Variants in CAAP1 observed in about 807,000 individuals in gnomAD.
CAAP1 encodes caspase activity and apoptosis inhibitor 1, also known as conserved anti-apoptotic protein.
In CAAP1, 20 loss-of-function variants were observed where a neutral mutation model predicts 34.0. The ratio of observed to expected loss-of-function variants is 0.59; its 90% CI spans 0.41 to 0.86. CAAP1 has a LOEUF of 0.86. Among genes scored for constraint, CAAP1 ranks in the 40% least tolerant of loss-of-function variants. The pLI is 0.00. For missense variants in CAAP1, 538 were observed against 450.5 expected, an observed-to-expected ratio of 1.19 and a Z score of -1.76; for synonymous variants, 213 against 166.7, an observed-to-expected ratio of 1.28 and a Z score of -2.14.
intron 5 of CAAP1, among the ~76,000 whole-genome samples, chr9:26,850,105 G>T (rs561672793): frequency 5.3e-4 from 81 of 152,064 alleles, no homozygotes; most frequent in African/African-American, 1.7e-3. Flanking sequence ...CAAAGTGTTG[G>T]GATTACAGGC....
At position 26,850,039 on chromosome 9, in the gene CAAP1, C is replaced by T. The variant is rs112247015; in HGVS notation, c.740-7392G>A. ...ATTTTTAGTAGAGACAGGGTTTCAC[C>T]GTGTCATCCAGGATGGTCTTGATCT... On this transcript the variant is annotated intron_variant, in intron 5 of 5. Coordinates refer to ENST00000333916, the MANE Select transcript of CAAP1 (RefSeq NM_024828.4). Among the ~76,000 whole-genome samples, 688 of 152,200 alleles carry T rather than the reference C, an allele frequency of 4.5e-3. 5 individuals are homozygous for T. Among genetic ancestry groups the T allele is most frequent in the African/African-American group, 0.015 (640 of 41,534 alleles).
At chr9:26,870,630 C>T (rs1823252314) in intron 4 of CAAP1, among the ~76,000 whole-genome samples, 1 of 146,546 alleles carries the variant, frequency 6.8e-6, no homozygotes, top group Non-Finnish European at 1.5e-5. Context: ...ATTTTTTTTT[C>T]TGAGAAGGAG....
intron 5 of CAAP1, among the ~76,000 whole-genome samples, chr9:26,843,795 C>T (rs1271841984): frequency 2.0e-5 from 3 of 152,078 alleles, no homozygotes; most frequent in African/African-American, 7.2e-5. Flanking sequence ...GATTTACTGA[C>T]CTTCAGTGAT....
At chr9:26,870,105 C>G (rs1823238796) in intron 4 of CAAP1, 2 of 218,866 alleles carry the variant, frequency 9.1e-6, no homozygotes, top group Non-Finnish European at 1.5e-5. Flanking sequence ...TTCCCAAGTC[C>G]CTCAAAGTTC....
intron 1 of CAAP1, among the ~76,000 whole-genome samples, chr9:26,889,420 A>AAAAAAC (rs1052969150): frequency 3.9e-5 from 6 of 152,148 alleles, no homozygotes; most frequent in East Asian, 3.9e-4. Context: ...CTCTATCTCA[A>AAAAAAC]AAAAACAAAA....
chr9:26,890,853 G>A (rs1302483403), intron 1 of CAAP1, among the ~76,000 whole-genome samples: 1 of 152,194 alleles, frequency 6.6e-6, no homozygotes, highest in Non-Finnish European at 1.5e-5. Flanking sequence ...GCTGAGGCAG[G>A]GGAATGGCCT....
chr9:26,880,139 A>G, intron 4 of CAAP1: 1 of 206,390 alleles, frequency 4.8e-6, no homozygotes, highest in South Asian at 5.9e-5. Context: ...TTCCCATCAC[A>G]GTGGTTTCTT....
At chr9:26,891,344 CCATCAAAATGT>C (rs2131348110) in intron 1 of CAAP1, among the ~76,000 whole-genome samples, 1 of 152,078 alleles carries the variant, frequency 6.6e-6, no homozygotes, top group East Asian at 1.9e-4. Context: ...TTAAAAAATG[CCATCAAAATGT>C]CATCAAAAGC....
At chr9:26,886,783 A>AGTCAAC (rs1268459655) in intron 2 of CAAP1, among the ~76,000 whole-genome samples, 1 of 152,234 alleles carries the variant, frequency 6.6e-6, no homozygotes, top group Non-Finnish European at 1.5e-5. Flanking sequence ...ATCTCCACAG[A>AGTCAAC]GTCAACACAT....
intron 4 of CAAP1, among the ~76,000 whole-genome samples, chr9:26,875,352 C>T (rs1823402234): frequency 6.6e-6 from 1 of 152,120 alleles, no homozygotes; most frequent in Admixed American, 6.5e-5. Flanking sequence ...CACCACTGCA[C>T]TCCAGACTGG....
chr9:26,866,979 C>T (rs552815832), intron 4 of CAAP1, among the ~76,000 whole-genome samples: 9 of 152,056 alleles, frequency 5.9e-5, no homozygotes, highest in African/African-American at 9.7e-5. Context: ...AGGAGGTGAG[C>T]GGTGGTGGGC....
intron 1 of CAAP1, among the ~76,000 whole-genome samples, chr9:26,891,606 AAATAT>A (rs1319806921): frequency 1.3e-5 from 2 of 152,240 alleles, no homozygotes; most frequent in African/African-American, 2.4e-5. Context: ...AATATCAGAA[AAATAT>A]AATACAATAC....
chr9:26,842,712 T>C, intron 5 of CAAP1, 65 bp from the exon 6 acceptor site: 3 of 1,357,352 alleles, frequency 2.2e-6, no homozygotes, highest in East Asian at 2.3e-5. Context: ...TTCCTTACTG[T>C]TTATAATTTA....
chr9:26,882,668 G>A (rs927553738), intron 4 of CAAP1, among the ~76,000 whole-genome samples: 4 of 152,148 alleles, frequency 2.6e-5, no homozygotes, highest in South Asian at 2.1e-4. Flanking sequence ...GAGGGCCACC[G>A]TCCCCCAGAC....
At chr9:26,867,078 G>T (rs1051339352) in intron 4 of CAAP1, among the ~76,000 whole-genome samples, 1 of 152,276 alleles carries the variant, frequency 6.6e-6, no homozygotes. Context: ...AAGGGATCTC[G>T]GTTGCATGCT....
intron 1 of CAAP1, among the ~76,000 whole-genome samples, chr9:26,887,972 T>A (rs1287805950): frequency 6.6e-6 from 1 of 152,236 alleles, no homozygotes; most frequent in African/African-American, 2.4e-5. Context: ...TAAAACTTTA[T>A]AATCATAATC....
At chr9:26,887,283 A>G in intron 2 of CAAP1, 30 bp downstream of exon 2, 1 of 1,370,828 alleles carries the variant, frequency 7.3e-7, no homozygotes, top group Non-Finnish European at 9.9e-7. Flanking sequence ...ATTTCTACAT[A>G]TGTATCTAGT....
chr9:26,846,308 T>C (rs899749330), intron 5 of CAAP1, among the ~76,000 whole-genome samples: 1 of 149,330 alleles, frequency 6.7e-6, no homozygotes, highest in African/African-American at 2.5e-5. Flanking sequence ...TCCCAGCTAC[T>C]ATGGAGGCTG....
intron 5 of CAAP1, among the ~76,000 whole-genome samples, chr9:26,852,195 C>T (rs561151291): frequency 6.6e-6 from 1 of 152,124 alleles, no homozygotes; most frequent in Non-Finnish European, 1.5e-5. Flanking sequence ...GGGCTCATGC[C>T]TGTAATCCAG....
Sources: allele counts gnomAD v4.1 joint callset (sites outside exome capture counted in the v4.1 genomes callset), GRCh38; gene constraint gnomAD v4.1.1; transcripts MANE v1.5; gene names NCBI Gene and HGNC (gene_info 2026-07-23, HGNC 2026-07-21).